Variants in RUNDC3B observed in about 807,000 individuals in gnomAD.
RUNDC3B encodes the protein RUN domain containing 3B.
Under a neutral mutation model 58.4 loss-of-function variants are expected in RUNDC3B, and 33 were observed. The observed-to-expected ratio is 0.56, with a 90% CI of 0.43 to 0.75. RUNDC3B has a LOEUF of 0.75. RUNDC3B is among the 30% of genes least tolerant of loss of function. The pLI, the probability that RUNDC3B is intolerant of heterozygous loss-of-function variation, is 0.00. For missense variants in RUNDC3B, 501 were observed against 535.7 expected (o/e 0.94, Z 0.64); for synonymous variants, 193 against 195.2 (o/e 0.99, Z 0.10).
At chr7:87,675,256 T>A (rs1448967111) in intron 2 of RUNDC3B, among the ~76,000 whole-genome samples, 4 of 152,172 alleles carry the variant, frequency 2.6e-5, no homozygotes, top group Admixed American at 2.6e-4. Flanking sequence ...CCTCCAAAGA[T>A]CTGTTCAGAG....
rs1336769851 is a variant in RUNDC3B at position 87,708,412 on chromosome 7, C to A, written c.373-2158C>A. Among the ~76,000 whole-genome samples, 3 of 151,936 alleles carry A rather than the reference C, an allele frequency of 2.0e-5. No homozygotes were observed. The South Asian group carries it at 6.2e-4, about 31-fold the overall frequency. ...AAAATTTAGAAGAAATGGGAAATTT[C>A]TTTTAAAAAATTACTCACCAAAACT... On this transcript the variant is annotated intron_variant, in intron 3 of 10. Coordinates refer to ENST00000394654, the MANE Select transcript of RUNDC3B (RefSeq NM_001134405.2).
chr7:87,638,500 T>C (rs1822070843), intron 1 of RUNDC3B, among the ~76,000 whole-genome samples: 1 of 152,166 alleles, frequency 6.6e-6, no homozygotes, highest in Non-Finnish European at 1.5e-5. Context: ...AATCATTTAG[T>C]AACGGAATCA....
At chr7:87,827,320 T>C (rs1179296975) in intron 10 of RUNDC3B, among the ~76,000 whole-genome samples, 5 of 152,088 alleles carry the variant, frequency 3.3e-5, no homozygotes, top group African/African-American at 4.8e-5. Flanking sequence ...AAACACTGTC[T>C]CTATTAAAAA....
intron 6 of RUNDC3B, among the ~76,000 whole-genome samples, chr7:87,748,363 TC>T (rs1832769072): frequency 6.6e-6 from 1 of 152,136 alleles, no homozygotes; most frequent in Non-Finnish European, 1.5e-5. Flanking sequence ...GCAGGAGCAG[TC>T]CACTCCTTCA....
intron 2 of RUNDC3B, among the ~76,000 whole-genome samples, chr7:87,660,939 A>G (rs962549876): frequency 6.6e-6 from 1 of 151,976 alleles, no homozygotes; most frequent in African/African-American, 2.4e-5. Context: ...GATTTTGTTG[A>G]AATTTGTAAG....
chr7:87,728,455 C>A (rs1831378771), intron 4 of RUNDC3B, among the ~76,000 whole-genome samples: 1 of 152,262 alleles, frequency 6.6e-6, no homozygotes, highest in African/African-American at 2.4e-5. Flanking sequence ...CTGAAGAAGT[C>A]TGAGATGGGT....
chr7:87,734,928 T>C (rs2130800801), intron 4 of RUNDC3B, among the ~76,000 whole-genome samples: 1 of 152,324 alleles, frequency 6.6e-6, no homozygotes, highest in Admixed American at 6.5e-5. Context: ...CCACTTAACA[T>C]CTGACTGTTC....
At chr7:87,785,084 G>A (rs1335647963) in intron 8 of RUNDC3B, among the ~76,000 whole-genome samples, 1 of 152,040 alleles carries the variant, frequency 6.6e-6, no homozygotes, top group African/African-American at 2.4e-5. Context: ...TTTATAGCTC[G>A]TGTGGTGCCT....
At position 87,739,802 on chromosome 7, in the gene RUNDC3B, A is replaced by G. The variant is rs760144528; in HGVS notation, c.470A>G (p.Glu157Gly). ...ATTTCATTTTTTAGGAGATTTTATGAAGATGGAGCAATTGTCTTGGGTGAA... is the reference window on the plus strand; with the variant it reads ...ATTTCATTTTTTAGGAGATTTTATGGAGATGGAGCAATTGTCTTGGGTGAA... ...RDFKTTRRFY[E>G]DGAIVLGEEA... Residue 157 changes from glutamate to glycine, a missense_variant, in exon 5 of 11, where the codon GAA (glutamate) becomes GGA (glycine). Glu to Gly is a moderately conservative substitution (Grantham distance 98, BLOSUM62 -2). Coordinates refer to ENST00000394654, the MANE Select transcript of RUNDC3B (RefSeq NM_001134405.2). The G allele has an allele frequency of 1.3e-6, 2 of 1,552,880 alleles. No homozygotes were observed. Among genetic ancestry groups the G allele is most frequent in the Admixed American group, 1.7e-5 (1 of 59,416 alleles).
chr7:87,644,502 A>G (rs1183203518), intron 1 of RUNDC3B, among the ~76,000 whole-genome samples: 3 of 152,228 alleles, frequency 2.0e-5, no homozygotes, highest in East Asian at 3.8e-4. Flanking sequence ...TATTAAAAAC[A>G]TCACTCTTAT....
intron 6 of RUNDC3B, among the ~76,000 whole-genome samples, chr7:87,769,492 A>G (rs1834155666): frequency 1.3e-5 from 2 of 152,062 alleles, no homozygotes; most frequent in Admixed American, 1.3e-4. Context: ...TTGCTCCTGC[A>G]TTTGACAGAT....
intron 8 of RUNDC3B, among the ~76,000 whole-genome samples, chr7:87,790,165 A>G (rs535259167): frequency 1.4e-4 from 22 of 152,342 alleles, no homozygotes; most frequent in African/African-American, 5.3e-4. Flanking sequence ...CCCCAGTTCC[A>G]GGTGGCTGAA....
chr7:87,726,991 A>C (rs1051425665), intron 4 of RUNDC3B, among the ~76,000 whole-genome samples: 29 of 152,164 alleles, frequency 1.9e-4, no homozygotes, highest in Non-Finnish European at 2.8e-4. Flanking sequence ...TTTTGGGCTG[A>C]GATGATGGGG....
chr7:87,657,046 A>G (rs1824175180), intron 2 of RUNDC3B, among the ~76,000 whole-genome samples: 1 of 152,176 alleles, frequency 6.6e-6, no homozygotes, highest in Non-Finnish European at 1.5e-5. Context: ...GGGAAGATGA[A>G]CATGACATAC....
chr7:87,785,691 C>T (rs1227539118), intron 8 of RUNDC3B, among the ~76,000 whole-genome samples: 3 of 152,190 alleles, frequency 2.0e-5, no homozygotes. Flanking sequence ...GCACTACTTT[C>T]TCCTGGCTCT....
intron 2 of RUNDC3B, among the ~76,000 whole-genome samples, chr7:87,695,403 T>C (rs1312422482): frequency 6.6e-6 from 1 of 152,070 alleles, no homozygotes; most frequent in African/African-American, 2.4e-5. Context: ...AAACTTGGGA[T>C]TGCTGCTACA....
chr7:87,807,470 G>A lies in RUNDC3B; in HGVS notation c.1054G>A (p.Val352Ile). The change falls in exon 9 of 11, where the codon GTT becomes ATT. Residue 352 changes from valine to isoleucine, a missense_variant. Transcript: ENST00000394654. ...TCCAGGAGCTCTGGATGTCAATGCT[G>A]TTGCCTTGGATACGTTGCTTTACCG... ...PSPGALDVNA[V>I]ALDTLLYRKH... 6.2e-7 allele frequency: 1 copy of A among 1,613,510 alleles called. No homozygotes were observed. The highest frequency in any genetic ancestry group is 1.1e-5 in the South Asian group (1 of 91,058).
intron 4 of RUNDC3B, among the ~76,000 whole-genome samples, chr7:87,733,514 G>T (rs541358231): frequency 2.0e-5 from 3 of 152,312 alleles, no homozygotes; most frequent in African/African-American, 7.2e-5. Context: ...AAGGTGAAAA[G>T]ATGACAAACA....
chr7:87,690,746 T>G (rs1228212905), intron 2 of RUNDC3B, among the ~76,000 whole-genome samples: 1 of 152,170 alleles, frequency 6.6e-6, no homozygotes, highest in African/African-American at 2.4e-5. Context: ...TATATGATAC[T>G]GCCAATTTAT....
Sources: allele counts gnomAD v4.1 joint callset (sites outside exome capture counted in the v4.1 genomes callset), GRCh38; gene constraint gnomAD v4.1.1; transcripts MANE v1.5; gene names NCBI Gene and HGNC (gene_info 2026-07-23, HGNC 2026-07-21).